FERMT2: variants seen among roughly 807,000 people sequenced by gnomAD.
FERMT2 encodes the protein fermitin family homolog 2.
Under a neutral mutation model 82.7 loss-of-function variants are expected in FERMT2, and 15 were observed. That is an observed-to-expected ratio of 0.18 (90% CI 0.12 to 0.28). The LOEUF (loss-of-function observed/expected upper bound fraction) is 0.28, where lower values mean the gene tolerates loss of function less well. FERMT2 is among the 10% of genes least tolerant of loss of function. The probability of loss-of-function intolerance (pLI) is 1.00; values close to 1 mark genes in which losing one functional copy is unlikely to be tolerated. For missense variants in FERMT2, 645 were observed against 809.4 expected, an observed-to-expected ratio of 0.80 and a Z score of 2.46; for synonymous variants, 274 against 271.5, an observed-to-expected ratio of 1.01 and a Z score of -0.09.
At position 52,950,929 on chromosome 14, in the gene FERMT2, C is replaced by T. The variant is rs1280066387; in HGVS notation, c.-18G>A. ...GGGTCCCGCTCCCTCACCGCGCGCTCCTAGCGCTCCGGGCCCGGGACTCGC... is the reference window on the plus strand; with the variant it reads ...GGGTCCCGCTCCCTCACCGCGCGCTTCTAGCGCTCCGGGCCCGGGACTCGC... On this transcript the variant is annotated 5_prime_UTR_variant, in exon 1 of 15. Transcript: ENST00000341590. 1 of 169,762 alleles carries T rather than the reference C, an allele frequency of 5.9e-6. No homozygotes were observed. The highest frequency in any genetic ancestry group is 1.6e-4 in the East Asian group (1 of 6,234). 10.5% of individuals were successfully genotyped at this position (169,762 alleles called of 1,614,324 possible).
At chr14:52,918,453 T>C (rs1274841478) in intron 3 of FERMT2, among the ~76,000 whole-genome samples, 1 of 152,170 alleles carries the variant, frequency 6.6e-6, no homozygotes, top group African/African-American at 2.4e-5. Context: ...TTAACATGAA[T>C]AAAAAACTGC....
chr14:52,864,000 A>AG (rs1885113807), intron 12 of FERMT2, among the ~76,000 whole-genome samples: 1 of 148,250 alleles, frequency 6.7e-6, no homozygotes, highest in African/African-American at 2.4e-5. Context: ...AAAATGATAA[A>AG]GATTTTTTTT....
At chr14:52,860,898 T>C in intron 12 of FERMT2, 1 of 762,698 alleles carries the variant, frequency 1.3e-6, no homozygotes, top group Non-Finnish European at 2.2e-6. Flanking sequence ...GAAATCACCA[T>C]AATCATTTCT....
At chr14:52,950,649 A>C in intron 1 of FERMT2, 72 bp from the exon 2 acceptor site, 2 of 1,492,484 alleles carry the variant, frequency 1.3e-6, no homozygotes, top group South Asian at 2.4e-5. Flanking sequence ...CCGAATTCGC[A>C]GCGCCGGCCA....
chr14:52,914,650 T>C (rs1250992325), intron 3 of FERMT2, among the ~76,000 whole-genome samples: 2 of 152,178 alleles, frequency 1.3e-5, no homozygotes, highest in Non-Finnish European at 2.9e-5. Context: ...CCGGGCATGG[T>C]GGCTCATGCC....
intron 4 of FERMT2, among the ~76,000 whole-genome samples, chr14:52,887,303 G>A (rs1429420808): frequency 1.3e-5 from 2 of 152,036 alleles, no homozygotes; most frequent in African/African-American, 2.4e-5. Flanking sequence ...AAGGCAGGAG[G>A]ATTGCTTGAG....
At chr14:52,899,140 G>A (rs1887470140) in intron 3 of FERMT2, among the ~76,000 whole-genome samples, 1 of 152,028 alleles carries the variant, frequency 6.6e-6, no homozygotes, top group Middle Eastern at 3.2e-3. Flanking sequence ...TTAACTAGAT[G>A]GGCCCATGAG....
In FERMT2 at chr14:52,889,189, T is replaced by C. The variant is rs1419705632; in HGVS notation, c.526+4104A>G. 2.0e-5 allele frequency among the ~76,000 whole-genome samples: 3 copies of C among 152,230 alleles called. No individual in the cohort carries two copies. In the East Asian group the frequency reaches 5.8e-4, roughly 29 times the overall value. ...AATATATTTTACTGTGTGGATTAAATATATTACATGTAGTGTTTTGGACAA... is the reference window on the plus strand; with the variant it reads ...AATATATTTTACTGTGTGGATTAAACATATTACATGTAGTGTTTTGGACAA... On this transcript the variant is annotated intron_variant, in intron 4 of 14. Coordinates refer to ENST00000341590, the MANE Select transcript of FERMT2 (RefSeq NM_006832.3).
chr14:52,878,520 G>T, intron 7 of FERMT2, 62 bp downstream of exon 7: 1 of 1,048,054 alleles, frequency 9.5e-7, no homozygotes, highest in African/African-American at 1.6e-5. Flanking sequence ...CCACTTTACT[G>T]TTTAAAAATA....
At chr14:52,947,764 T>C (rs1267271588) in intron 2 of FERMT2, among the ~76,000 whole-genome samples, 1 of 152,204 alleles carries the variant, frequency 6.6e-6, no homozygotes, top group African/African-American at 2.4e-5. Flanking sequence ...TGACTTCTTT[T>C]GTTACAGACC....
chr14:52,881,814 AAAG>A (rs1215673382), intron 4 of FERMT2: 1 of 1,300,114 alleles, frequency 7.7e-7, no homozygotes, highest in Admixed American at 2.3e-5. Flanking sequence ...GGGCCAATGT[AAAG>A]AACATCAGTG....
intron 2 of FERMT2, among the ~76,000 whole-genome samples, chr14:52,927,853 T>C (rs542647942): frequency 3.3e-5 from 5 of 152,130 alleles, no homozygotes; most frequent in African/African-American, 1.2e-4. Flanking sequence ...TTTGAGATAA[T>C]ATTCAGATTC....
At chr14:52,892,252 C>T (rs1886985046) in intron 4 of FERMT2, among the ~76,000 whole-genome samples, 1 of 149,130 alleles carries the variant, frequency 6.7e-6, no homozygotes, top group African/African-American at 2.5e-5. Context: ...AGCAATTCTC[C>T]TGCCTCAGCC....
rs545089142 is a variant in FERMT2 at position 52,867,613 on chromosome 14, GCTAA to G, written c.1274-2764_1274-2761del. Among the ~76,000 whole-genome samples the G allele has an allele frequency of 1.9e-3, 284 of 152,014 alleles. 1 individual carries two copies. The highest frequency in any genetic ancestry group is 5.4e-3 in the African/African-American group (222 of 41,444). On this transcript the variant is annotated intron_variant, in intron 10 of 14. Coordinates refer to ENST00000341590, the MANE Select transcript of FERMT2 (RefSeq NM_006832.3). ...TGCAATGGCTGCACTTACCATTACT[GCTAA>G]CTGTTACCCTATCAGTATCTGTAGC...
chr14:52,891,967 T>C (rs1373406065), intron 4 of FERMT2, among the ~76,000 whole-genome samples: 1 of 152,096 alleles, frequency 6.6e-6, no homozygotes, highest in Non-Finnish European at 1.5e-5. Flanking sequence ...GAGCTCACAT[T>C]AGCAAGGAAG....
At chr14:52,858,911 A>C (rs1884731382) in intron 14 of FERMT2, 1 of 178,742 alleles carries the variant, frequency 5.6e-6, no homozygotes, top group Admixed American at 5.7e-5. Flanking sequence ...TCAGATACTT[A>C]AATTTTAGGT....
intron 12 of FERMT2, 105 bp downstream of exon 12, chr14:52,864,296 C>A: frequency 1.4e-6 from 1 of 735,494 alleles, no homozygotes; most frequent in Admixed American, 2.5e-5. Flanking sequence ...CCATCTGATA[C>A]AAAATTAAGA....
chr14:52,868,464 T>C (rs1885422486), intron 10 of FERMT2, among the ~76,000 whole-genome samples: 1 of 152,196 alleles, frequency 6.6e-6, no homozygotes, highest in African/African-American at 2.4e-5. Context: ...TGTAATTTTA[T>C]CTCGCCAACA....
intron 12 of FERMT2, chr14:52,860,672 AT>A (rs1272227778): frequency 3.5e-6 from 2 of 574,554 alleles, no homozygotes; most frequent in East Asian, 6.0e-5. Flanking sequence ...TTCAGTTTTC[AT>A]ATATCAACAA....
Sources: gnomAD v4.1 joint callset for allele counts (sites outside exome capture counted in the v4.1 genomes callset) on GRCh38, gnomAD v4.1.1 for gene constraint, MANE v1.5 for transcripts, NCBI Gene and HGNC (gene_info 2026-07-23, HGNC 2026-07-21) for gene names.